FARP1: variants seen among roughly 807,000 people sequenced by gnomAD.
FARP1 encodes the protein FERM, ARH/RhoGEF and pleckstrin domain protein 1, also known as FERM, ARHGEF and pleckstrin domain-containing protein 1.
A neutral mutation model predicts 128.8 loss-of-function variants in FARP1; 52 were observed. The observed-to-expected ratio is 0.40, with a 90% confidence interval of 0.32 to 0.51. FARP1 has a LOEUF of 0.51. Ranked by LOEUF, FARP1 falls within the 20% of genes least tolerant of loss-of-function variation. The probability of loss-of-function intolerance (pLI) is 0.45; values close to 1 mark genes in which losing one functional copy is unlikely to be tolerated. For synonymous variants in FARP1, 580 were observed against 551.8 expected, an observed-to-expected ratio of 1.05 and a Z score of -0.72; for missense variants, 1,333 against 1,367.9, an observed-to-expected ratio of 0.97 and a Z score of 0.40.
chr13:98,179,782 G>A (rs367596909), intron 1 of FARP1, among the ~76,000 whole-genome samples: 6 of 152,040 alleles, frequency 3.9e-5, no homozygotes, highest in African/African-American at 9.7e-5. Flanking sequence ...GCGTGAACCC[G>A]GGAGGCAGAG....
chr13:98,146,340 T>C (rs1875559314), intron 1 of FARP1, among the ~76,000 whole-genome samples: 1 of 152,216 alleles, frequency 6.6e-6, no homozygotes, highest in Non-Finnish European at 1.5e-5. Context: ...GCGATTCTCC[T>C]GCCTCAGCCT....
At chr13:98,192,626 G>T (rs1879311813) in intron 1 of FARP1, among the ~76,000 whole-genome samples, 1 of 152,038 alleles carries the variant, frequency 6.6e-6, no homozygotes, top group Non-Finnish European at 1.5e-5. Flanking sequence ...CCTGACTTCA[G>T]GTGGTCCACC....
At chr13:98,306,125 C>A (rs568097190) in intron 2 of FARP1, among the ~76,000 whole-genome samples, 1 of 152,268 alleles carries the variant, frequency 6.6e-6, no homozygotes, top group South Asian at 2.1e-4. Context: ...CAGCTGATTG[C>A]AACGTTTGCG....
intron 2 of FARP1, among the ~76,000 whole-genome samples, chr13:98,319,579 C>T (rs1886900785): frequency 1.3e-5 from 2 of 152,180 alleles, no homozygotes; most frequent in South Asian, 4.1e-4. Context: ...GAGATTGCGC[C>T]ACTGCACTCC....
intron 2 of FARP1, among the ~76,000 whole-genome samples, chr13:98,281,041 T>C (rs1271426748): frequency 1.3e-5 from 2 of 152,220 alleles, no homozygotes; most frequent in Non-Finnish European, 2.9e-5. Context: ...AAAATATATT[T>C]ATTAATAATG....
At chr13:98,412,746 C>T (rs1891237767) in intron 16 of FARP1, among the ~76,000 whole-genome samples, 1 of 152,232 alleles carries the variant, frequency 6.6e-6, no homozygotes, top group Non-Finnish European at 1.5e-5. Flanking sequence ...GCAGAATCCT[C>T]TACACCTTTA....
At chr13:98,165,441 A>G (rs551765277) in intron 1 of FARP1, among the ~76,000 whole-genome samples, 9 of 152,182 alleles carry the variant, frequency 5.9e-5, no homozygotes, top group African/African-American at 1.7e-4. Context: ...CCAAAGGTGG[A>G]CATGCATTGA....
chr13:98,271,959 A>G (rs913526479), intron 2 of FARP1, among the ~76,000 whole-genome samples: 2 of 152,074 alleles, frequency 1.3e-5, no homozygotes, highest in Non-Finnish European at 2.9e-5. Context: ...CCAGTAATGG[A>G]ATTGCTGGGT....
intron 1 of FARP1, among the ~76,000 whole-genome samples, chr13:98,155,216 C>T (rs1876412503): frequency 1.3e-5 from 2 of 151,986 alleles, no homozygotes; most frequent in Non-Finnish European, 2.9e-5. Context: ...AGTGCTGGCA[C>T]ATGCCTGTAA....
chr13:98,147,258 A>G (rs1411411454), intron 1 of FARP1, among the ~76,000 whole-genome samples: 1 of 152,210 alleles, frequency 6.6e-6, no homozygotes, highest in African/African-American at 2.4e-5. Flanking sequence ...TAATCCGGCG[A>G]GACTGAAACT....
chr13:98,371,258 T>C (rs1889316280), intron 5 of FARP1, among the ~76,000 whole-genome samples: 1 of 134,568 alleles, frequency 7.4e-6, no homozygotes, highest in Non-Finnish European at 1.6e-5. Flanking sequence ...GTTTTGCCAA[T>C]AGTTTTGCAC....
At chr13:98,327,588 A>T (rs1298804474) in intron 2 of FARP1, among the ~76,000 whole-genome samples, 1 of 152,216 alleles carries the variant, frequency 6.6e-6, no homozygotes, top group African/African-American at 2.4e-5. Flanking sequence ...AACAAAGTTA[A>T]CTGGTGAGCC....
chr13:98,184,837 A>G (rs1329156332), intron 1 of FARP1, among the ~76,000 whole-genome samples: 1 of 152,242 alleles, frequency 6.6e-6, no homozygotes, highest in Non-Finnish European at 1.5e-5. Flanking sequence ...CAAATACTTC[A>G]AGTGTATTTT....
chr13:98,374,087 T>C (rs1310562484), intron 5 of FARP1, among the ~76,000 whole-genome samples: 15 of 152,228 alleles, frequency 9.9e-5, no homozygotes, highest in Admixed American at 9.8e-4. Flanking sequence ...CATATTCACA[T>C]TTCCCTATTT....
intron 1 of FARP1, among the ~76,000 whole-genome samples, chr13:98,160,669 A>C (rs1259563852): frequency 6.6e-6 from 1 of 151,938 alleles, no homozygotes; most frequent in Non-Finnish European, 1.5e-5. Context: ...TTTTTAATTT[A>C]AATTTTTTTT....
intron 2 of FARP1, among the ~76,000 whole-genome samples, chr13:98,302,740 C>T (rs1324619750): frequency 6.6e-6 from 1 of 152,138 alleles, no homozygotes; most frequent in African/African-American, 2.4e-5. Context: ...AGATTGAGGT[C>T]GATGAGGTAG....
chr13:98,351,771 T>A (rs554398055), intron 3 of FARP1, among the ~76,000 whole-genome samples: 1 of 150,590 alleles, frequency 6.6e-6, no homozygotes, highest in East Asian at 2.0e-4. Flanking sequence ...CAATTGGGGG[T>A]GGGGAGGCAC....
chr13:98,447,531 C>G (rs376320537), intron 26 of FARP1: 1 of 152,584 alleles, frequency 6.6e-6, no homozygotes, highest in African/African-American at 2.4e-5. Context: ...GGGAGTCCGT[C>G]CTGCATTGTG....
chr13:98,193,841 C>CCAT (rs2139243281), intron 1 of FARP1, among the ~76,000 whole-genome samples: 1 of 152,276 alleles, frequency 6.6e-6, no homozygotes, highest in East Asian at 1.9e-4. Flanking sequence ...CTTAATGAAG[C>CCAT]CATCTTAGCT....
Sources: allele counts gnomAD v4.1 joint callset (sites outside exome capture counted in the v4.1 genomes callset), GRCh38; gene constraint gnomAD v4.1.1; transcripts MANE v1.5; gene names NCBI Gene and HGNC (gene_info 2026-07-23, HGNC 2026-07-21).